The following GSE1 variants were observed in gnomAD, a reference collection of about 807,000 sequenced individuals.
The protein encoded by GSE1 is genetic suppressor element 1.
Under a neutral mutation model 112.6 loss-of-function variants are expected in GSE1, and 32 were observed. The observed-to-expected ratio is 0.28, with a 90% confidence interval of 0.21 to 0.38. The LOEUF is 0.38. GSE1 is among the 10% of genes least tolerant of loss of function. The pLI, the probability that GSE1 is intolerant of heterozygous loss-of-function variation, is 1.00. For synonymous variants in GSE1, 1,115 were observed against 735.6 expected (o/e 1.52, Z -8.35); for missense variants, 2,348 against 1,699.2 (o/e 1.38, Z -6.71).
rs1347957021 is a variant in GSE1, at chr16:85,657,269, C to T, written c.1313-8C>T. The T allele has an allele frequency of 8.5e-6, 13 of 1,528,174 alleles. No individual in the cohort carries two copies. Among genetic ancestry groups the T allele is most frequent in the Non-Finnish European group, 1.1e-5 (13 of 1,135,464 alleles). The allele number at this position is 1,528,174 out of a possible 1,614,324, so 94.7% of individuals were successfully genotyped here. On this transcript the variant is annotated splice_polypyrimidine_tract_variant and splice_region_variant and intron_variant, in intron 7 of 15. Transcript: ENST00000253458. ...TGAGATCCTGCTTGACCGTGTTTCC[C>T]CCCACAGAGAAGCTGAAGGATGCCG...
At chr16:85,469,624 T>C (rs1308435002) in intron 2 of GSE1, among the ~76,000 whole-genome samples, 1 of 152,214 alleles carries the variant, frequency 6.6e-6, no homozygotes, top group Admixed American at 6.5e-5. Context: ...TAGTGTTCCT[T>C]GTGGACTCTG....
intron 7 of GSE1, among the ~76,000 whole-genome samples, chr16:85,656,955 C>T (rs535746087): frequency 6.6e-6 from 1 of 152,194 alleles, no homozygotes; most frequent in Non-Finnish European, 1.5e-5. Flanking sequence ...GTTTACGAAA[C>T]AATTGTCCAG....
At chr16:85,614,752 A>T (rs751274864) in intron 1 of GSE1, among the ~76,000 whole-genome samples, 1 of 152,058 alleles carries the variant, frequency 6.6e-6, no homozygotes, top group Non-Finnish European at 1.5e-5. Flanking sequence ...AACACACTAA[A>T]CCCTTGCTCC....
chr16:85,665,892 C>A, intron 12 of GSE1, 84 bp from the exon 13 acceptor site: 1 of 1,329,952 alleles, frequency 7.5e-7, no homozygotes, highest in Non-Finnish European at 1.1e-6. Context: ...TAAGTGTAAG[C>A]TCTAGAGACC....
At chr16:85,333,834 C>A (rs1313433001) in intron 1 of GSE1, among the ~76,000 whole-genome samples, 2 of 152,170 alleles carry the variant, frequency 1.3e-5, no homozygotes, top group Non-Finnish European at 2.9e-5. Context: ...CCTCCTCCTC[C>A]CCCCACAGCC....
At chr16:85,597,994 A>G (rs2047305680) in intron 1 of GSE1, among the ~76,000 whole-genome samples, 1 of 151,942 alleles carries the variant, frequency 6.6e-6, no homozygotes, top group Non-Finnish European at 1.5e-5. Flanking sequence ...AATGGTAGAG[A>G]GGAGAGTGGA....
chr16:85,300,737 C>T (rs2045500320), intron 1 of GSE1, among the ~76,000 whole-genome samples: 1 of 152,238 alleles, frequency 6.6e-6, no homozygotes, highest in Admixed American at 6.5e-5. Context: ...ATTTTCACCT[C>T]CTGCCTCTCG....
chr16:85,399,423 G>A (rs1227501070), intron 2 of GSE1, among the ~76,000 whole-genome samples: 1 of 152,190 alleles, frequency 6.6e-6, no homozygotes, highest in African/African-American at 2.4e-5. Context: ...ATTCCAAAAA[G>A]TAGAAAGAAT....
At chr16:85,603,663 G>C (rs1438194353) in intron 1 of GSE1, among the ~76,000 whole-genome samples, 1 of 152,100 alleles carries the variant, frequency 6.6e-6, no homozygotes, top group Middle Eastern at 3.2e-3. Context: ...CCCCAAGCCT[G>C]GTTATTTTTT....
intron 1 of GSE1, among the ~76,000 whole-genome samples, chr16:85,290,464 G>A (rs1435130227): frequency 1.3e-5 from 2 of 152,102 alleles, no homozygotes; most frequent in African/African-American, 4.8e-5. Context: ...CCTCTAGGGG[G>A]CAAGGAGCAT....
intron 2 of GSE1, among the ~76,000 whole-genome samples, chr16:85,540,939 A>C (rs569581205): frequency 9.2e-5 from 14 of 151,988 alleles, no homozygotes; most frequent in African/African-American, 2.9e-4. Flanking sequence ...ATTCTTATCT[A>C]GTTTTTTTGG....
intron 7 of GSE1, among the ~76,000 whole-genome samples, chr16:85,656,951 G>A (rs1318596440): frequency 2.6e-5 from 4 of 152,206 alleles, no homozygotes; most frequent in Admixed American, 2.6e-4. Flanking sequence ...GTAAGTTTAC[G>A]AAACAATTGT....
chr16:85,558,718 T>TA (rs2045362104), intron 1 of GSE1, among the ~76,000 whole-genome samples: 1 of 152,198 alleles, frequency 6.6e-6, no homozygotes, highest in Non-Finnish European at 1.5e-5. Context: ...TGGTTGTATT[T>TA]AAAGTCCCCA....
At chr16:85,207,330 G>T (rs1303492446) in intron 1 of GSE1, among the ~76,000 whole-genome samples, 1 of 152,220 alleles carries the variant, frequency 6.6e-6, no homozygotes. Flanking sequence ...CTTCAGGGCC[G>T]GCTCTGCTGT....
At chr16:85,218,780 C>T (rs2075344128) in intron 1 of GSE1, among the ~76,000 whole-genome samples, 1 of 152,208 alleles carries the variant, frequency 6.6e-6, no homozygotes, top group Admixed American at 6.5e-5. Flanking sequence ...TCCACAGCTT[C>T]CAGCGTGCAG....
At chr16:85,595,471 G>C (rs1320675123) in intron 1 of GSE1, 1 of 152,234 alleles carries the variant, frequency 6.6e-6, no homozygotes, top group Non-Finnish European at 1.5e-5. Context: ...CCTCAGGGCA[G>C]ATAGCTGGCT....
At chr16:85,245,967 T>TGG (rs953727850) in intron 1 of GSE1, among the ~76,000 whole-genome samples, 1 of 149,190 alleles carries the variant, frequency 6.7e-6, no homozygotes, top group Middle Eastern at 3.4e-3. Context: ...CGTGTGTGTG[T>TGG]GGGGGGCTGT....
chr16:85,468,379 C>T (rs1027657314), intron 2 of GSE1, among the ~76,000 whole-genome samples: 3 of 145,742 alleles, frequency 2.1e-5, no homozygotes, highest in Admixed American at 7.1e-5. Context: ...TGCGGTGACG[C>T]GACCTTAACT....
chr16:85,348,928 G>A (rs1182264510), intron 1 of GSE1, among the ~76,000 whole-genome samples: 3 of 151,420 alleles, frequency 2.0e-5, no homozygotes, highest in Non-Finnish European at 4.4e-5. Flanking sequence ...CAGCTGCGGC[G>A]CCCTGCCCGA....
Sources: allele counts gnomAD v4.1 joint callset (sites outside exome capture counted in the v4.1 genomes callset), GRCh38; gene constraint gnomAD v4.1.1; transcripts MANE v1.5; gene names NCBI Gene and HGNC (gene_info 2026-07-23, HGNC 2026-07-21).